BET1: variants seen among roughly 807,000 people sequenced by gnomAD.
BET1 encodes Bet1 golgi vesicular membrane trafficking protein.
In BET1, 9 loss-of-function variants were observed where a neutral mutation model predicts 13.9. That is an observed-to-expected ratio of 0.65 (90% CI 0.39 to 1.13). The LOEUF is 1.13. Ranked by LOEUF, BET1 falls within the 50% of genes most tolerant of loss-of-function variation. The pLI, the probability that BET1 is intolerant of heterozygous loss-of-function variation, is 0.01. For missense variants in BET1, 127 were observed against 133.6 expected (o/e 0.95, Z 0.24); for synonymous variants, 39 against 47.3 (o/e 0.82, Z 0.72).
At chr7:93,995,528 C>G (rs996411593) in intron 3 of BET1, among the ~76,000 whole-genome samples, 1 of 152,172 alleles carries the variant, frequency 6.6e-6, no homozygotes, top group Non-Finnish European at 1.5e-5. Flanking sequence ...ACCAGAGATG[C>G]TTTTTTCAAA....
At chr7:93,976,501 T>C (rs574212579) in intron 4 of BET1, among the ~76,000 whole-genome samples, 2 of 152,212 alleles carry the variant, frequency 1.3e-5, no homozygotes, top group South Asian at 2.1e-4. Context: ...TTATTTAAAC[T>C]AGTCAAGCTT....
In BET1 at chr7:93,993,542, A is replaced by G. The variant is rs1584141563; in HGVS notation, c.*688T>C. The G allele has an allele frequency of 2.9e-6, 3 of 1,018,230 alleles. No homozygotes were observed. The highest frequency in any genetic ancestry group is 3.5e-6 in the Non-Finnish European group (3 of 848,532). The allele number at this position is 1,018,230 out of a possible 1,614,324, so 63.1% of individuals were successfully genotyped here. On this transcript the variant is annotated 3_prime_UTR_variant, in exon 4 of 4. Coordinates refer to ENST00000222547, the MANE Select transcript of BET1 (RefSeq NM_005868.6). ...ATGTAGTAAAAATCATAAAACTATTATAAGCCAAGTCAAGAGAATTCATAA... is the reference window on the plus strand; with the variant it reads ...ATGTAGTAAAAATCATAAAACTATTGTAAGCCAAGTCAAGAGAATTCATAA...
intron 5 of BET1, among the ~76,000 whole-genome samples, chr7:93,974,529 G>A (rs1445331226): frequency 6.6e-6 from 1 of 151,920 alleles, no homozygotes; most frequent in Non-Finnish European, 1.5e-5. Flanking sequence ...AGATCCCAAT[G>A]CCCAAAGCTA....
intron 1 of BET1, chr7:93,999,662 T>G (rs1795851751): frequency 2.2e-6 from 1 of 457,016 alleles, no homozygotes; most frequent in Non-Finnish European, 4.4e-6. Context: ...ATCTACCCAT[T>G]GAAAAAGCGT....
exon 7 of BET1, chr7:93,964,625 A>C (rs1001041928): frequency 1.3e-5 from 2 of 151,982 alleles, no homozygotes; most frequent in Non-Finnish European, 2.9e-5. Context: ...ATCGATACGC[A>C]AAAAAACAAC....
At chr7:93,999,064 G>C (rs1281095981) in intron 2 of BET1, 106 bp downstream of exon 2, 1 of 899,038 alleles carries the variant, frequency 1.1e-6, no homozygotes, top group Non-Finnish European at 1.5e-6. Flanking sequence ...CACAGTATCT[G>C]AGTAAATGAA....
chr7:93,969,159 G>A (rs1795221422), intron 6 of BET1, among the ~76,000 whole-genome samples: 1 of 151,838 alleles, frequency 6.6e-6, no homozygotes, highest in African/African-American at 2.4e-5. Context: ...TTCACTGGGT[G>A]AAAAGTGAGG....
chr7:93,976,049 A>C, exon 5 of BET1: 1 of 1,277,924 alleles, frequency 7.8e-7, no homozygotes, highest in Non-Finnish European at 1.0e-6. Flanking sequence ...CAAAATTAGC[A>C]GAAGTAGGCT....
downstream of BET1, chr7:93,991,814 AATG>A (rs1239073043): frequency 3.1e-6 from 3 of 968,596 alleles, no homozygotes; most frequent in Non-Finnish European, 3.7e-6. Flanking sequence ...ATCAGTATAG[AATG>A]ATGACATTAT....
chr7:93,994,132 A>G lies in BET1; in HGVS notation c.*98T>C. ...AGCAATTTTCAATGGAAAATGCCAC[A>G]GTATTTGAACACTAGGAATGTTTTG... On this transcript the variant is annotated 3_prime_UTR_variant, in exon 4 of 4. Transcript: ENST00000222547. The G allele has an allele frequency of 1.4e-6, 2 of 1,479,060 alleles. No individual in the cohort carries two copies. Among genetic ancestry groups the G allele is most frequent in the Non-Finnish European group, 1.8e-6 (2 of 1,120,456 alleles). The allele number at this position is 1,479,060 out of a possible 1,614,324, so 91.6% of individuals were successfully genotyped here.
intron 1 of BET1, among the ~76,000 whole-genome samples, chr7:94,002,687 G>A (rs1285798618): frequency 1.3e-5 from 2 of 152,000 alleles, no homozygotes; most frequent in African/African-American, 2.4e-5. Flanking sequence ...AGGGCCTAGG[G>A]GCCTACTGAT....
intron 6 of BET1, among the ~76,000 whole-genome samples, chr7:93,966,993 T>C (rs1795183458): frequency 6.6e-6 from 1 of 151,878 alleles, no homozygotes; most frequent in African/African-American, 2.4e-5. Context: ...ATATACAGAC[T>C]TAAAAAGAAT....
rs1387964289 is a variant in BET1, at chr7:93,975,862, A to T, written c.*48+42T>A. The T allele has an allele frequency of 6.1e-6, 6 of 985,546 alleles. No individual in the cohort carries two copies. In the South Asian group the frequency reaches 1.7e-4, roughly 27 times the overall value. 61.1% of individuals were successfully genotyped at this position (985,546 alleles called of 1,614,324 possible). On this transcript the variant is annotated intron_variant and NMD_transcript_variant, in intron 5 of 6. Coordinates refer to the BET1 transcript ENST00000357520. ...TGCCAGATAACGATTTTTAATTTTCAAAATATTATGAGACTATCAAATGTA... is the reference window on the plus strand; with the variant it reads ...TGCCAGATAACGATTTTTAATTTTCTAAATATTATGAGACTATCAAATGTA...
At chr7:93,991,081 C>T (rs1428505870), downstream of BET1, among the ~76,000 whole-genome samples, 1 of 152,062 alleles carries the variant, frequency 6.6e-6, no homozygotes, top group African/African-American at 2.4e-5. Context: ...ATCCTGCTCT[C>T]CTGCTTGAAC....
Position 94,004,209 on chromosome 7 carries a change from C to G in BET1, c.8G>C (p.Arg3Pro), listed in dbSNP as rs775771551. Residue 3 changes from arginine (R) to proline (P), a missense_variant, in exon 1 of 4, where the codon CGT becomes CCT. Transcript: ENST00000222547. Reference protein sequence around the residue: MRRAGLGEGVPPG... With the variant: MRPAGLGEGVPPG... The stretch of plus-strand genomic sequence containing the variant: ...AGCCCTCTTCTTACCCAGGCCTGCA[C>G]GCCTCATCCTGCCAGAGGAGAGAGA... 6.2e-7 allele frequency: 1 copy of G among 1,614,050 alleles called. No individual in the cohort carries two copies. The highest frequency in any genetic ancestry group is 1.7e-5 in the Admixed American group (1 of 60,014).
chr7:93,986,834 T>C (rs1562803870), intron 4 of BET1, among the ~76,000 whole-genome samples: 2 of 152,214 alleles, frequency 1.3e-5, no homozygotes, highest in East Asian at 3.8e-4. Flanking sequence ...CACAGTGCAA[T>C]GCATTACCTT....
At chr7:93,963,429 T>A (rs867234291) in exon 7 of BET1, 156 of 151,344 alleles carry the variant, frequency 1.0e-3, no homozygotes, top group African/African-American at 3.6e-3. Context: ...CTAGTAGTCA[T>A]TTTTTTTCAT....
intron 4 of BET1, among the ~76,000 whole-genome samples, chr7:93,986,506 A>C (rs1354392823): frequency 6.6e-6 from 1 of 152,200 alleles, no homozygotes; most frequent in Non-Finnish European, 1.5e-5. Flanking sequence ...CACAGATACT[A>C]AGCTAACTAG....
downstream of BET1, among the ~76,000 whole-genome samples, chr7:93,989,434 A>G (rs576815226): frequency 1.3e-5 from 2 of 152,252 alleles, no homozygotes; most frequent in East Asian, 3.9e-4. Flanking sequence ...GTTTAGAGAG[A>G]GGATTCTGTG....
Sources: allele counts gnomAD v4.1 joint callset (sites outside exome capture counted in the v4.1 genomes callset), GRCh38; gene constraint gnomAD v4.1.1; transcripts MANE v1.5; gene names NCBI Gene and HGNC (gene_info 2026-07-23, HGNC 2026-07-21).